PLXDC2: variants seen among roughly 807,000 people sequenced by gnomAD.
PLXDC2 encodes the protein plexin domain containing 2.
In PLXDC2, 40 loss-of-function variants were observed where a neutral mutation model predicts 68.9. The ratio of observed to expected loss-of-function variants is 0.58; its 90% CI spans 0.45 to 0.76. The LOEUF (loss-of-function observed/expected upper bound fraction) is 0.76, where lower values mean the gene tolerates loss of function less well. Among genes scored for constraint, PLXDC2 ranks in the 30% least tolerant of loss-of-function variants. The pLI is 0.00. For missense variants in PLXDC2, 644 were observed against 661.9 expected (o/e 0.97, Z 0.30); for synonymous variants, 243 against 234.2 (o/e 1.04, Z -0.34).
At chr10:20,017,414 G>C (rs938295671) in intron 2 of PLXDC2, among the ~76,000 whole-genome samples, 3 of 151,984 alleles carry the variant, frequency 2.0e-5, no homozygotes, top group Non-Finnish European at 2.9e-5. Flanking sequence ...ACCTCCTCAG[G>C]GTATCAAGAA....
At chr10:19,833,749 C>G (rs1191515398) in intron 1 of PLXDC2, among the ~76,000 whole-genome samples, 1 of 152,090 alleles carries the variant, frequency 6.6e-6, no homozygotes, top group South Asian at 2.1e-4. Context: ...TAATGATGCT[C>G]TGTGTATAAA....
intron 9 of PLXDC2, among the ~76,000 whole-genome samples, chr10:20,198,608 TTGGG>T (rs769872461): frequency 2.8e-4 from 43 of 152,226 alleles, no homozygotes; most frequent in Non-Finnish European, 5.3e-4. Flanking sequence ...AAGATATCCT[TTGGG>T]TTATAGCTGA....
At chr10:20,142,802 GAA>G (rs912417007) in intron 4 of PLXDC2, among the ~76,000 whole-genome samples, 1 of 141,146 alleles carries the variant, frequency 7.1e-6, no homozygotes, top group South Asian at 2.2e-4. Flanking sequence ...CAACTTTCAA[GAA>G]AAAAAAAAAG....
At chr10:20,157,623 T>G (rs2131807576) in intron 6 of PLXDC2, among the ~76,000 whole-genome samples, 1 of 152,316 alleles carries the variant, frequency 6.6e-6, no homozygotes, top group South Asian at 2.1e-4. Flanking sequence ...AGAGAGGAGC[T>G]TCTGTCTTTG....
At chr10:20,171,211 C>T (rs1159963788) in intron 7 of PLXDC2, among the ~76,000 whole-genome samples, 2 of 151,986 alleles carry the variant, frequency 1.3e-5, no homozygotes, top group East Asian at 1.9e-4. Flanking sequence ...CAGTGCAAGC[C>T]CTTTCAGAGG....
chr10:20,272,474 C>G (rs1038513159), intron 13 of PLXDC2, among the ~76,000 whole-genome samples: 5 of 151,966 alleles, frequency 3.3e-5, no homozygotes, highest in Non-Finnish European at 7.4e-5. Flanking sequence ...AGAAAGAGAG[C>G]TTGTCACCCA....
chr10:19,831,201 A>G (rs1291606165), intron 1 of PLXDC2, among the ~76,000 whole-genome samples: 2 of 152,110 alleles, frequency 1.3e-5, no homozygotes, highest in Non-Finnish European at 2.9e-5. Context: ...TGACTGTGAT[A>G]TATTCTTTCT....
At position 20,282,433 on chromosome 10, in the gene PLXDC2, A is replaced by C. The variant is rs1244870935; in HGVS notation, c.*2614A>C. 2 of 152,188 alleles carry C rather than the reference A, an allele frequency of 1.3e-5. No homozygotes were observed. Among genetic ancestry groups the C allele is most frequent in the Non-Finnish European group, 2.9e-5 (2 of 68,030 alleles). 9.4% of individuals were successfully genotyped at this position (152,188 alleles called of 1,614,324 possible). On this transcript the variant is annotated 3_prime_UTR_variant, in exon 14 of 14. Transcript: ENST00000377252. ...CTGTACATTACTTAATATACTATGA[A>C]CATAATAGAATAACAAAAAAAGATA...
chr10:20,275,330 A>T (rs1012269271), intron 13 of PLXDC2, among the ~76,000 whole-genome samples: 4 of 152,040 alleles, frequency 2.6e-5, no homozygotes, highest in African/African-American at 9.7e-5. Context: ...AGAAACACAG[A>T]CCCCCTAGGC....
chr10:19,949,586 G>A (rs1833961207), intron 1 of PLXDC2, among the ~76,000 whole-genome samples: 1 of 152,310 alleles, frequency 6.6e-6, no homozygotes, highest in Admixed American at 6.5e-5. Context: ...GGTAAATGCA[G>A]CTTATGTTAG....
rs1836083752 is a variant in PLXDC2, at chr10:20,060,547, GC to G, written c.472-7618del. Among the ~76,000 whole-genome samples the G allele has an allele frequency of 1.3e-5, 2 of 149,930 alleles. 1 individual carries two copies. The highest frequency in any genetic ancestry group is 1.3e-4 in the Admixed American group (2 of 15,072). On this transcript the variant is annotated intron_variant, in intron 3 of 13. Transcript: ENST00000377252. ...TGGGCTGGTCGCTGGGCGAGCAGGGGCCCCCTGTTGTGCCTAGGCCCAGGTG... is the reference window on the plus strand; with the variant it reads ...TGGGCTGGTCGCTGGGCGAGCAGGGGCCCCTGTTGTGCCTAGGCCCAGGTG...
rs529739515 is a variant in PLXDC2 at position 20,097,029 on chromosome 10, G to A, written c.541+28790G>A. ...TCAGATCTATCTATTCATTTCTGTC[G>A]GATACTCGGCAGATTGTTTTCTTAT... On this transcript the variant is annotated intron_variant, in intron 4 of 13. Coordinates refer to ENST00000377252, the MANE Select transcript of PLXDC2 (RefSeq NM_032812.9). 3.9e-5 allele frequency among the ~76,000 whole-genome samples: 6 copies of A among 151,956 alleles called. No individual in the cohort carries two copies. The East Asian group carries it at 5.8e-4, about 15-fold the overall frequency.
intron 1 of PLXDC2, among the ~76,000 whole-genome samples, chr10:19,890,504 T>C (rs1837935822): frequency 6.6e-6 from 1 of 150,640 alleles, no homozygotes; most frequent in Non-Finnish European, 1.5e-5. Flanking sequence ...ATGCAGTATT[T>C]GGTTTTCTGA....
chr10:20,194,669 G>A (rs1194849654), intron 9 of PLXDC2, among the ~76,000 whole-genome samples: 1 of 151,464 alleles, frequency 6.6e-6, no homozygotes, highest in Admixed American at 6.6e-5. Flanking sequence ...AAGTTCTAGG[G>A]TACATGTGCA....
At chr10:20,251,262 A>G (rs1489668034) in intron 13 of PLXDC2, among the ~76,000 whole-genome samples, 1 of 152,098 alleles carries the variant, frequency 6.6e-6, no homozygotes, top group African/African-American at 2.4e-5. Flanking sequence ...TTTCACAGTA[A>G]TTTTCTAAAG....
chr10:20,275,351 T>G (rs1053363265), intron 13 of PLXDC2, among the ~76,000 whole-genome samples: 1 of 152,142 alleles, frequency 6.6e-6, no homozygotes, highest in African/African-American at 2.4e-5. Context: ...CTCTCTGAGA[T>G]CTATTGAATC....
intron 7 of PLXDC2, 36 bp from the exon 8 acceptor site, chr10:20,176,963 A>G (rs765924262): frequency 3.7e-5 from 54 of 1,443,286 alleles, no homozygotes; most frequent in Admixed American, 7.0e-5. Flanking sequence ...AAGCGAGGAA[A>G]GGTTAAAAAT....
At chr10:20,260,281 C>T (rs1835793714) in intron 13 of PLXDC2, among the ~76,000 whole-genome samples, 1 of 152,192 alleles carries the variant, frequency 6.6e-6, no homozygotes, top group Non-Finnish European at 1.5e-5. Flanking sequence ...CTCATGCTGT[C>T]ATTAAATCTC....
chr10:19,828,207 A>G (rs1321442213), intron 1 of PLXDC2, among the ~76,000 whole-genome samples: 3 of 152,218 alleles, frequency 2.0e-5, no homozygotes. Context: ...GCTGCATCCT[A>G]AGAAACAGCT....
Sources: gnomAD v4.1 joint callset for allele counts (sites outside exome capture counted in the v4.1 genomes callset) on GRCh38, gnomAD v4.1.1 for gene constraint, MANE v1.5 for transcripts, NCBI Gene and HGNC (gene_info 2026-07-23, HGNC 2026-07-21) for gene names.